The following TSPAN5 variants were observed in gnomAD, a reference collection of about 807,000 sequenced individuals.
The protein encoded by TSPAN5 is tetraspanin 5.
TSPAN5 carries 10 observed loss-of-function variants against 37.1 expected under a neutral mutation model. That is an observed-to-expected ratio of 0.27 (90% CI 0.17 to 0.46). TSPAN5 has a LOEUF of 0.46. TSPAN5 is among the 20% of genes least tolerant of loss of function. The probability of loss-of-function intolerance (pLI) is 1.00; values close to 1 mark genes in which losing one functional copy is unlikely to be tolerated. For missense variants in TSPAN5, 195 were observed against 326.6 expected (o/e 0.60, Z 3.11); for synonymous variants, 110 against 118.9 (o/e 0.93, Z 0.48).
At chr4:98,548,184 T>C (rs1754515721) in intron 1 of TSPAN5, among the ~76,000 whole-genome samples, 1 of 152,120 alleles carries the variant, frequency 6.6e-6, no homozygotes, top group Admixed American at 6.5e-5. Context: ...TCACCTTTCC[T>C]AGTGCCGAAC....
chr4:98,562,529 GGCATGCCTGTAGTCCCA>G, intron 1 of TSPAN5, among the ~76,000 whole-genome samples: 1 of 151,954 alleles, frequency 6.6e-6, no homozygotes, highest in Middle Eastern at 3.2e-3. Context: ...GGCGTGGTGG[GGCATGCCTGTAGTCCCA>G]GCTACTCAGG....
chr4:98,542,256 G>A (rs1754376042), intron 1 of TSPAN5, among the ~76,000 whole-genome samples: 1 of 152,200 alleles, frequency 6.6e-6, no homozygotes, highest in Non-Finnish European at 1.5e-5. Context: ...TCCACCCATG[G>A]AGCTGTGTGC....
chr4:98,621,630 A>G lies in TSPAN5; in HGVS notation c.81+36516T>C, dbSNP rs535421111. Among the ~76,000 whole-genome samples the G allele has an allele frequency of 1.7e-3, 264 of 152,108 alleles. 1 individual carries two copies. In the Middle Eastern group the frequency reaches 0.034, roughly 20 times the overall value. ...TGATCCGCCCGCCTCAGGCTCCCAA[A>G]GTGCTAGGATAACAGGCGTGAGCCA... On this transcript the variant is annotated intron_variant, in intron 1 of 7. Coordinates refer to ENST00000305798, the MANE Select transcript of TSPAN5 (RefSeq NM_005723.4).
intron 1 of TSPAN5, among the ~76,000 whole-genome samples, chr4:98,543,654 A>G (rs1754409939): frequency 2.6e-5 from 4 of 151,834 alleles, no homozygotes. Context: ...TCCTGACCTC[A>G]AGTGATCTAC....
intron 1 of TSPAN5, among the ~76,000 whole-genome samples, chr4:98,638,140 C>T (rs992116731): frequency 2.6e-5 from 4 of 152,180 alleles, no homozygotes; most frequent in Non-Finnish European, 5.9e-5. Context: ...GGGCTGTCTA[C>T]GCTCCTGATG....
At chr4:98,606,428 A>G (rs1156685654) in intron 1 of TSPAN5, among the ~76,000 whole-genome samples, 1 of 152,232 alleles carries the variant, frequency 6.6e-6, no homozygotes, top group South Asian at 2.1e-4. Flanking sequence ...TTACGGAAAC[A>G]TCTTTCCACA....
At chr4:98,482,249 T>G in intron 3 of TSPAN5, 74 bp from the exon 4 acceptor site, 1 of 1,374,184 alleles carries the variant, frequency 7.3e-7, no homozygotes, top group South Asian at 1.3e-5. Flanking sequence ...ATGGTTCCTC[T>G]CTAAACAGGT....
At chr4:98,618,256 C>T (rs1411491076) in intron 1 of TSPAN5, among the ~76,000 whole-genome samples, 1 of 105,074 alleles carries the variant, frequency 9.5e-6, no homozygotes. Flanking sequence ...TTAATAAATG[C>T]TTTTCAAAAA....
chr4:98,551,009 T>C (rs1329615497), intron 1 of TSPAN5, among the ~76,000 whole-genome samples: 2 of 152,198 alleles, frequency 1.3e-5, no homozygotes, highest in African/African-American at 4.8e-5. Context: ...ATGTTGGCTG[T>C]AGGTTTGTCA....
At chr4:98,636,264 G>A (rs1756855053) in intron 1 of TSPAN5, among the ~76,000 whole-genome samples, 1 of 152,246 alleles carries the variant, frequency 6.6e-6, no homozygotes, top group African/African-American at 2.4e-5. Flanking sequence ...CTGCTTTACA[G>A]TGGAGGACCC....
At chr4:98,527,342 G>A (rs1386508914) in intron 1 of TSPAN5, among the ~76,000 whole-genome samples, 1 of 152,190 alleles carries the variant, frequency 6.6e-6, no homozygotes, top group African/African-American at 2.4e-5. Context: ...TATCATTAGA[G>A]AGGTTTCTTT....
intron 1 of TSPAN5, among the ~76,000 whole-genome samples, chr4:98,515,327 T>A (rs973504887): frequency 6.6e-6 from 1 of 152,206 alleles, no homozygotes; most frequent in African/African-American, 2.4e-5. Flanking sequence ...TGTGTGTTGA[T>A]GTGACCACGT....
At chr4:98,511,660 T>C (rs1482965577) in intron 1 of TSPAN5, among the ~76,000 whole-genome samples, 1 of 152,210 alleles carries the variant, frequency 6.6e-6, no homozygotes, top group Non-Finnish European at 1.5e-5. Context: ...GAAAACTTAA[T>C]ATGAATAAAA....
chr4:98,563,115 G>A (rs1334730432), intron 1 of TSPAN5, among the ~76,000 whole-genome samples: 5 of 152,060 alleles, frequency 3.3e-5, no homozygotes, highest in Non-Finnish European at 5.9e-5. Flanking sequence ...CAGCTATTAC[G>A]ACCATTTTTT....
At chr4:98,590,325 C>A (rs1755594624) in intron 1 of TSPAN5, among the ~76,000 whole-genome samples, 1 of 152,132 alleles carries the variant, frequency 6.6e-6, no homozygotes, top group Non-Finnish European at 1.5e-5. Flanking sequence ...AGGCACAACA[C>A]CTATGACTCT....
intron 7 of TSPAN5, among the ~76,000 whole-genome samples, chr4:98,474,017 G>A (rs750602150): frequency 6.6e-6 from 1 of 152,026 alleles, no homozygotes; most frequent in Non-Finnish European, 1.5e-5. Context: ...CTGTCTTGAT[G>A]GTATCATTTT....
intron 1 of TSPAN5, among the ~76,000 whole-genome samples, chr4:98,533,471 C>T (rs945410020): frequency 6.8e-6 from 1 of 147,184 alleles, no homozygotes; most frequent in African/African-American, 2.5e-5. Context: ...CATTTATTTG[C>T]ATAGAGGTGT....
At chr4:98,514,307 T>C (rs1037717728) in intron 1 of TSPAN5, among the ~76,000 whole-genome samples, 7 of 152,216 alleles carry the variant, frequency 4.6e-5, no homozygotes, top group Admixed American at 3.9e-4. Flanking sequence ...TCTGACACTT[T>C]AGTCTGAACA....
Position 98,607,380 on chromosome 4 carries a change from T to C in TSPAN5, c.81+50766A>G, listed in dbSNP as rs147199739. Among the ~76,000 whole-genome samples, 7 of 152,318 alleles carry C rather than the reference T, an allele frequency of 4.6e-5. No homozygotes were observed. In the East Asian group the frequency reaches 1.4e-3, roughly 29 times the overall value. ...AAGTGTTGAGGAATGCGACATGTGATAAAGTCTTAGACATGAACCCCAGAA... is the reference window on the plus strand; with the variant it reads ...AAGTGTTGAGGAATGCGACATGTGACAAAGTCTTAGACATGAACCCCAGAA... On this transcript the variant is annotated intron_variant, in intron 1 of 7. Coordinates refer to ENST00000305798, the MANE Select transcript of TSPAN5 (RefSeq NM_005723.4).
Sources: gnomAD v4.1 joint callset for allele counts (sites outside exome capture counted in the v4.1 genomes callset) on GRCh38, gnomAD v4.1.1 for gene constraint, MANE v1.5 for transcripts, NCBI Gene and HGNC (gene_info 2026-07-23, HGNC 2026-07-21) for gene names.